The following PHACTR2 variants were observed in gnomAD, a reference collection of about 807,000 sequenced individuals.
PHACTR2 encodes chromosome 6 open reading frame 56.
Under a neutral mutation model 76.0 loss-of-function variants are expected in PHACTR2, and 30 were observed. The ratio of observed to expected loss-of-function variants is 0.39; its 90% CI spans 0.30 to 0.54. The LOEUF is 0.54. PHACTR2 is among the 20% of genes least tolerant of loss of function. The probability of loss-of-function intolerance (pLI) is 0.61; values close to 1 mark genes in which losing one functional copy is unlikely to be tolerated. For missense variants in PHACTR2, 696 were observed against 781.1 expected, an observed-to-expected ratio of 0.89 and a Z score of 1.30; for synonymous variants, 292 against 292.5, an observed-to-expected ratio of 1.00 and a Z score of 0.02.
At position 143,820,346 on chromosome 6, in the gene PHACTR2, A is replaced by G. The variant is rs1428806819; in HGVS notation, c.1923-3328A>G. ...CAAAATCTCATCTGAAAAAAGGCAAATCCTTTCCACCTATGATCCTGTAAA... is the reference window on the plus strand; with the variant it reads ...CAAAATCTCATCTGAAAAAAGGCAAGTCCTTTCCACCTATGATCCTGTAAA... On this transcript the variant is annotated intron_variant, in intron 12 of 12. Transcript: ENST00000440869. This position sits in a 1 kb window ranked among gnomAD's most constrained non-coding sequence, Gnocchi z 4.2. Among the ~76,000 whole-genome samples, 1 of 152,184 alleles carries G rather than the reference A, an allele frequency of 6.6e-6. No individual in the cohort carries two copies. The highest frequency in any genetic ancestry group is 1.9e-4 in the East Asian group (1 of 5,200).
rs551521192 is a variant in PHACTR2 at position 143,764,695 on chromosome 6, T to G, written c.695-566T>G. ...GAGTCCAGCATGGCGAGCTTTCTTC[T>G]CTGGAGCTACTGGAAAGCTGGTGTG... On this transcript the variant is annotated intron_variant, in intron 5 of 12. Transcript: ENST00000440869. The surrounding 1 kb of genome is among the most constrained non-coding windows in gnomAD (Gnocchi z 4.7). 2.6e-5 allele frequency among the ~76,000 whole-genome samples: 4 copies of G among 152,180 alleles called. No homozygotes were observed. The highest frequency in any genetic ancestry group is 5.9e-5 in the Non-Finnish European group (4 of 68,032).
At chr6:143,707,896 T>C (rs541877453) in intron 1 of PHACTR2, among the ~76,000 whole-genome samples, 25 of 152,276 alleles carry the variant, frequency 1.6e-4, no homozygotes, top group Admixed American at 1.4e-3. Flanking sequence ...GCTTGTCTTA[T>C]ATGGCTGGAT....
chr6:143,808,867 C>T (rs975210948), intron 12 of PHACTR2, among the ~76,000 whole-genome samples: 7 of 152,194 alleles, frequency 4.6e-5, no homozygotes, highest in African/African-American at 1.2e-4. Flanking sequence ...TTTTGTCCCC[C>T]TCTTTTCTCC....
In PHACTR2 at chr6:143,598,975, A is replaced by G. The variant is rs549349684; in HGVS notation, c.217+61768A>G. ...TCCTTTGTAATTAAATTTAGATAGCATCTCACCCCTGACTCTTTTAGAACA... is the reference window on the plus strand; with the variant it reads ...TCCTTTGTAATTAAATTTAGATAGCGTCTCACCCCTGACTCTTTTAGAACA... On this transcript the variant is annotated intron_variant, in intron 1 of 11. Coordinates refer to the PHACTR2 transcript ENST00000367584. This position sits in a 1 kb window ranked among gnomAD's most constrained non-coding sequence, Gnocchi z 4.1. Among the ~76,000 whole-genome samples the G allele has an allele frequency of 6.6e-6, 1 of 152,264 alleles. No homozygotes were observed. Among genetic ancestry groups the G allele is most frequent in the African/African-American group, 2.4e-5 (1 of 41,552 alleles).
rs1309248264 is a variant in PHACTR2 at position 143,621,447 on chromosome 6, A to G, written c.13+13125A>G. Among the ~76,000 whole-genome samples the G allele has an allele frequency of 6.6e-6, 1 of 152,226 alleles. No homozygotes were observed. Among genetic ancestry groups the G allele is most frequent in the Non-Finnish European group, 1.5e-5 (1 of 68,030 alleles). On this transcript the variant is annotated intron_variant, in intron 1 of 11. Transcript: ENST00000305766. This position sits in a 1 kb window ranked among gnomAD's most constrained non-coding sequence, Gnocchi z 4.1. ...CACAGGACTTGGGAAGCCAGCAGCT[A>G]CAAGGAAGCTCACCTGTCAAGCACC...
rs2128447369 is a variant in PHACTR2 at position 143,656,425 on chromosome 6, G to T, written c.13+48103G>T. Among the ~76,000 whole-genome samples, 1 of 152,280 alleles carries T rather than the reference G, an allele frequency of 6.6e-6. No individual in the cohort carries two copies. Among genetic ancestry groups the T allele is most frequent in the South Asian group, 2.1e-4 (1 of 4,826 alleles). On this transcript the variant is annotated intron_variant, in intron 1 of 11. Coordinates refer to the PHACTR2 transcript ENST00000305766. The surrounding 1 kb of genome is among the most constrained non-coding windows in gnomAD (Gnocchi z 5.3). ...CACTAACACTAATGATAGTGGATGA[G>T]ATTTTTTTTTAATTGCAAGAACATC...
chr6:143,550,677 G>A lies in PHACTR2; in HGVS notation c.217+13470G>A, dbSNP rs765246680. On this transcript the variant is annotated intron_variant, in intron 1 of 11. Transcript: ENST00000367584. This position sits in a 1 kb window ranked among gnomAD's most constrained non-coding sequence, Gnocchi z 4.8. The stretch of plus-strand genomic sequence containing the variant: ...CTCTGAAAAACCTCTAGTGTCCAGT[G>A]TCTAGAGGACTGTACAATTAAGAGG... Among the ~76,000 whole-genome samples, 1 of 151,932 alleles carries A rather than the reference G, an allele frequency of 6.6e-6. No homozygotes were observed. The highest frequency in any genetic ancestry group is 2.4e-5 in the African/African-American group (1 of 41,380).
At chr6:143,741,281 G>T (rs9484809) in intron 2 of PHACTR2, among the ~76,000 whole-genome samples, 4 of 149,268 alleles carry the variant, frequency 2.7e-5, no homozygotes, top group African/African-American at 9.9e-5. Flanking sequence ...GAAGGCTGAG[G>T]CAGGAGTTCA....
rs552804547 is a variant in PHACTR2, at chr6:143,617,638, C to G, written c.13+9316C>G. On this transcript the variant is annotated intron_variant, in intron 1 of 11. Transcript: ENST00000305766. The surrounding 1 kb of genome is among the most constrained non-coding windows in gnomAD (Gnocchi z 4.8). ...TTTCCCCTTTCTCTCCCTCCTTCCT[C>G]CCTCCAGTCTAGCAGGCCAGTCTAG... 6.6e-6 allele frequency among the ~76,000 whole-genome samples: 1 copy of G among 152,162 alleles called. No homozygotes were observed. The highest frequency in any genetic ancestry group is 2.4e-5 in the African/African-American group (1 of 41,440).
In PHACTR2 at chr6:143,662,281, C is replaced by T. The variant is rs1472437581; in HGVS notation, c.14-49735C>T. Among the ~76,000 whole-genome samples the T allele has an allele frequency of 6.6e-6, 1 of 152,094 alleles. No individual in the cohort carries two copies. Among genetic ancestry groups the T allele is most frequent in the African/African-American group, 2.4e-5 (1 of 41,430 alleles). Reference sequence around the variant, plus strand: ...TTCTTAGATTTAAGTTCTAATAAAACTAAGTGTGTTTTAGGAAATAACTTT... The same window carrying T: ...TTCTTAGATTTAAGTTCTAATAAAATTAAGTGTGTTTTAGGAAATAACTTT... On this transcript the variant is annotated intron_variant, in intron 1 of 11. Transcript: ENST00000305766. The surrounding 1 kb of genome is among the most constrained non-coding windows in gnomAD (Gnocchi z 4.7).
At position 143,602,928 on chromosome 6, in the gene PHACTR2, C is replaced by T. The variant is rs937616369; in HGVS notation, c.217+65721C>T. ...GGGAGGCCGAGGTGGGCAGATCACC[C>T]GTGGTCAGGAGTTTGAGACCAGCCT... On this transcript the variant is annotated intron_variant, in intron 1 of 11. Coordinates refer to the PHACTR2 transcript ENST00000367584. The surrounding 1 kb of genome is among the most constrained non-coding windows in gnomAD (Gnocchi z 6.1). 4.6e-5 allele frequency among the ~76,000 whole-genome samples: 7 copies of T among 151,882 alleles called. No homozygotes were observed. The highest frequency in any genetic ancestry group is 1.3e-4 in the Admixed American group (2 of 15,248).
chr6:143,676,552 GT>G (rs1319091636), upstream of PHACTR2, among the ~76,000 whole-genome samples: 2 of 151,982 alleles, frequency 1.3e-5, no homozygotes. The surrounding 1 kb of genome is among the most constrained non-coding windows in gnomAD (Gnocchi z 4.8). Context: ...TTGTTTGTTT[GT>G]TTTTTTCTTA....
chr6:143,706,894 C>G (rs1245904461), intron 1 of PHACTR2, among the ~76,000 whole-genome samples: 3 of 152,204 alleles, frequency 2.0e-5, no homozygotes, highest in Non-Finnish European at 4.4e-5. Context: ...TTCACCCTAA[C>G]CAGTAGTGGG....
rs1323394612 is a variant in PHACTR2 at position 143,553,159 on chromosome 6, T to TATGTGCC, written c.217+15954_217+15960dup. Among the ~76,000 whole-genome samples the TATGTGCC allele has an allele frequency of 6.6e-6, 1 of 152,174 alleles. No individual in the cohort carries two copies. The highest frequency in any genetic ancestry group is 2.4e-5 in the African/African-American group (1 of 41,438). On this transcript the variant is annotated intron_variant, in intron 1 of 11. Transcript: ENST00000367584. This position sits in a 1 kb window ranked among gnomAD's most constrained non-coding sequence, Gnocchi z 4.2. ...CAGCAAGTATTTACTGAGTCTCTAT[T>TATGTGCC]ATGTGCCAGTGAGAAAACAAAAATC...
intron 1 of PHACTR2, among the ~76,000 whole-genome samples, chr6:143,601,735 T>A (rs2128435909): frequency 6.6e-6 from 1 of 152,348 alleles, no homozygotes; most frequent in Non-Finnish European, 1.5e-5. Context: ...GTCCTTTGTT[T>A]TTGCTCATTC....
intron 1 of PHACTR2, among the ~76,000 whole-genome samples, chr6:143,612,390 G>A (rs1775992789): frequency 6.6e-6 from 1 of 152,186 alleles, no homozygotes; most frequent in Non-Finnish European, 1.5e-5. Context: ...GCTAAAGATG[G>A]TGACTCAGGA....
rs1458465962 is a variant in PHACTR2, at chr6:143,784,474, AT to A, written c.1707+1195del. Among the ~76,000 whole-genome samples, 1 of 152,196 alleles carries A rather than the reference AT, an allele frequency of 6.6e-6. No individual in the cohort carries two copies. Among genetic ancestry groups the A allele is most frequent in the African/African-American group, 2.4e-5 (1 of 41,460 alleles). On this transcript the variant is annotated intron_variant, in intron 10 of 12. Transcript: ENST00000440869. The surrounding 1 kb of genome is among the most constrained non-coding windows in gnomAD (Gnocchi z 4.5). ...AAAGTGACTAAAATGTGACATCTAC[AT>A]GAAGTGTGACCTGACCCACATTTTT...
intron 1 of PHACTR2, among the ~76,000 whole-genome samples, chr6:143,587,272 C>A (rs960816589): frequency 6.6e-6 from 1 of 152,152 alleles, no homozygotes; most frequent in African/African-American, 2.4e-5. Context: ...GAATCTTCGG[C>A]CAACAACTGT....
chr6:143,661,939 C>T (rs2128448569), intron 1 of PHACTR2, among the ~76,000 whole-genome samples: 1 of 152,308 alleles, frequency 6.6e-6, no homozygotes, highest in African/African-American at 2.4e-5. Context: ...CAGCAAAAGA[C>T]CCTCATTGCA....
Sources: gnomAD v4.1 joint callset for allele counts (sites outside exome capture counted in the v4.1 genomes callset) on GRCh38, gnomAD v4.1.1 for gene constraint, Gnocchi (gnomAD v3.1) non-coding constraint, MANE v1.5 for transcripts, NCBI Gene and HGNC (gene_info 2026-07-23, HGNC 2026-07-21) for gene names.